The following SYT1 variants were observed in gnomAD, a reference collection of about 807,000 sequenced individuals.
SYT1 encodes the protein synaptotagmin 1.
Under a neutral mutation model 44.8 loss-of-function variants are expected in SYT1, and 8 were observed. That is an observed-to-expected ratio of 0.18 (90% confidence interval 0.10 to 0.32). The LOEUF (loss-of-function observed/expected upper bound fraction) is 0.32. Among genes scored for constraint, SYT1 ranks in the 10% least tolerant of loss-of-function variants. SYT1 has a pLI of 1.00. For synonymous variants in SYT1, 154 were observed against 188.8 expected, an observed-to-expected ratio of 0.82 and a Z score of 1.51; for missense variants, 286 against 509.3, an observed-to-expected ratio of 0.56 and a Z score of 4.22.
chr12:78,910,079 A>C (rs998777517), intron 1 of SYT1, among the ~76,000 whole-genome samples: 1 of 151,836 alleles, frequency 6.6e-6, no homozygotes, highest in African/African-American at 2.4e-5. Context: ...GAATCACTAC[A>C]TTTCATATCT....
intron 3 of SYT1, among the ~76,000 whole-genome samples, chr12:79,200,428 G>A (rs1873712032): frequency 6.6e-6 from 1 of 152,106 alleles, no homozygotes; most frequent in Admixed American, 6.6e-5. Flanking sequence ...GAGGTACTTA[G>A]AGCCACTATG....
At chr12:78,969,519 GA>G (rs1357602715) in intron 1 of SYT1, among the ~76,000 whole-genome samples, 2 of 152,210 alleles carry the variant, frequency 1.3e-5, no homozygotes, top group African/African-American at 4.8e-5. Context: ...GGAGGACAGA[GA>G]ATGGTAGATA....
intron 6 of SYT1, 30 bp from the exon 7 acceptor site, chr12:79,296,039 A>T (rs199701558): frequency 6.3e-7 from 1 of 1,580,386 alleles, no homozygotes; most frequent in East Asian, 2.3e-5. Context: ...ACTGATATTT[A>T]TGTATGCTGT....
intron 2 of SYT1, among the ~76,000 whole-genome samples, chr12:79,046,075 G>A (rs1257276514): frequency 6.6e-6 from 1 of 151,908 alleles, no homozygotes; most frequent in Non-Finnish European, 1.5e-5. Flanking sequence ...GTTTTTAGAG[G>A]CAGTCAGGCA....
In SYT1 at chr12:79,417,791, C is replaced by T. The variant is rs150367126; in HGVS notation, c.929-26282C>T. ...CTGAACTGTCATCATAGTATCCCCC[C>T]ACTCCCACCCCCCACTTCAACCTGG... On this transcript the variant is annotated intron_variant, in intron 9 of 10. Coordinates refer to ENST00000261205, the MANE Select transcript of SYT1 (RefSeq NM_005639.3). Among the ~76,000 whole-genome samples the T allele has an allele frequency of 2.1e-3, 324 of 151,810 alleles. 1 individual carries two copies. The highest frequency in any genetic ancestry group is 7.6e-3 in the African/African-American group (316 of 41,364).
At chr12:79,391,687 C>T (rs1030038188) in intron 9 of SYT1, among the ~76,000 whole-genome samples, 12 of 152,024 alleles carry the variant, frequency 7.9e-5, no homozygotes, top group Admixed American at 7.9e-4. Flanking sequence ...AGTTGATTCC[C>T]GCCCCCCAAC....
chr12:79,344,752 C>T lies in SYT1; in HGVS notation c.811-8750C>T, dbSNP rs1000423085. Among the ~76,000 whole-genome samples the T allele has an allele frequency of 5.3e-5, 8 of 152,116 alleles. No homozygotes were observed. In the South Asian group the frequency reaches 6.2e-4, roughly 12 times the overall value. ...TATTACAGCCATGAGCCACCACACC[C>T]GGCCTACTGTCACTTTTAAGAAGCA... On this transcript the variant is annotated intron_variant, in intron 8 of 10. Coordinates refer to ENST00000261205, the MANE Select transcript of SYT1 (RefSeq NM_005639.3).
intron 4 of SYT1, among the ~76,000 whole-genome samples, chr12:79,230,567 A>G (rs549089772): frequency 2.0e-5 from 3 of 152,308 alleles, no homozygotes; most frequent in South Asian, 4.1e-4. Context: ...ATTTTAAAAA[A>G]CAAATGTGCA....
rs917296978 is a variant in SYT1 at position 79,143,100 on chromosome 12, C to A, written c.-17-74403C>A. 3.9e-5 allele frequency among the ~76,000 whole-genome samples: 6 copies of A among 151,982 alleles called. No individual in the cohort carries two copies. In the South Asian group the frequency reaches 8.3e-4, roughly 21 times the overall value. On this transcript the variant is annotated intron_variant, in intron 3 of 10. Transcript: ENST00000261205. ...AAGATGGGTGATTAGGTATAGAGAG[C>A]AATATACAGTTTTCTCTGATGATAC...
rs147459079 is a variant in SYT1, at chr12:78,961,479, A to G, written c.-216-16320A>G. ...GCAAGATTTCTGTGACCACGTTCCT[A>G]TTGAACCAATTGGCTGCTTTCATGT... is the stretch of plus-strand genomic sequence containing the variant. On this transcript the variant is annotated intron_variant, in intron 1 of 10. Coordinates refer to ENST00000261205, the MANE Select transcript of SYT1 (RefSeq NM_005639.3). Among the ~76,000 whole-genome samples the G allele has an allele frequency of 4.0e-3, 605 of 152,188 alleles. 5 individuals are homozygous for G. Among genetic ancestry groups the G allele is most frequent in the African/African-American group, 0.014 (562 of 41,518 alleles).
chr12:79,213,094 T>C (rs562725829), intron 3 of SYT1, among the ~76,000 whole-genome samples: 2 of 152,318 alleles, frequency 1.3e-5, no homozygotes, highest in South Asian at 2.1e-4. Flanking sequence ...CATGAGTGGA[T>C]TGTGAAACTA....
At chr12:78,905,121 G>A (rs1393579548) in intron 1 of SYT1, among the ~76,000 whole-genome samples, 1 of 152,066 alleles carries the variant, frequency 6.6e-6, no homozygotes, top group Non-Finnish European at 1.5e-5. Flanking sequence ...TTTTGTTCCA[G>A]GACCATTCTA....
At chr12:79,035,032 G>T (rs1873041635) in intron 2 of SYT1, among the ~76,000 whole-genome samples, 1 of 151,576 alleles carries the variant, frequency 6.6e-6, no homozygotes, top group Non-Finnish European at 1.5e-5. Flanking sequence ...TACTGGTCTT[G>T]CATTTCCAGC....
At position 79,159,715 on chromosome 12, in the gene SYT1, T is replaced by C. The variant is rs1460990579; in HGVS notation, c.-17-57788T>C. 5.9e-5 allele frequency among the ~76,000 whole-genome samples: 9 copies of C among 152,244 alleles called. No homozygotes were observed. In the East Asian group the frequency reaches 1.5e-3, roughly 26 times the overall value. ...ACCCCCATGGAGAAAGGGAGATTAC[T>C]GTACACAGAAAACCATTAGCATGTT... On this transcript the variant is annotated intron_variant, in intron 3 of 10. Coordinates refer to ENST00000261205, the MANE Select transcript of SYT1 (RefSeq NM_005639.3).
intron 4 of SYT1, among the ~76,000 whole-genome samples, chr12:79,266,322 G>A (rs1027893188): frequency 2.0e-4 from 30 of 152,102 alleles, no homozygotes; most frequent in African/African-American, 7.2e-4. Context: ...ACATGCAGAT[G>A]TGAAACAAAA....
chr12:78,923,912 T>G (rs1166028368), intron 1 of SYT1, among the ~76,000 whole-genome samples: 1 of 151,964 alleles, frequency 6.6e-6, no homozygotes, highest in Non-Finnish European at 1.5e-5. Context: ...GGTTTCCCAA[T>G]AATGTCTTTT....
At chr12:79,114,243 T>A (rs1879162315) in intron 3 of SYT1, among the ~76,000 whole-genome samples, 1 of 152,130 alleles carries the variant, frequency 6.6e-6, no homozygotes, top group South Asian at 2.1e-4. Context: ...CACGGCTTTA[T>A]GGGGAAAAAT....
chr12:78,985,117 A>G (rs187514239), intron 2 of SYT1, among the ~76,000 whole-genome samples: 1 of 152,066 alleles, frequency 6.6e-6, no homozygotes, highest in East Asian at 1.9e-4. Context: ...TATTCTGAGA[A>G]GAGAATGTTG....
intron 9 of SYT1, among the ~76,000 whole-genome samples, chr12:79,389,219 C>A (rs1003893819): frequency 6.6e-6 from 1 of 152,100 alleles, no homozygotes. Context: ...TACTATAGAA[C>A]GTCTTACTAA....
Sources: allele counts gnomAD v4.1 joint callset (sites outside exome capture counted in the v4.1 genomes callset), GRCh38; gene constraint gnomAD v4.1.1; transcripts MANE v1.5; gene names NCBI Gene and HGNC (gene_info 2026-07-23, HGNC 2026-07-21).